The following ELAVL1 variants were observed in gnomAD, a reference collection of about 807,000 sequenced individuals.
The protein encoded by ELAVL1 is ELAV-like protein 1.
In ELAVL1, 1 loss-of-function variant was observed where a neutral mutation model predicts 28.4. That is an observed-to-expected ratio of 0.04 (90% CI 0.01 to 0.17). The LOEUF is 0.17. Ranked by LOEUF, ELAVL1 falls within the 10% of genes least tolerant of loss-of-function variation. ELAVL1 has a pLI of 1.00. For missense variants in ELAVL1, 157 were observed against 447.2 expected, an observed-to-expected ratio of 0.35 and a Z score of 5.85; for synonymous variants, 174 against 183.5, an observed-to-expected ratio of 0.95 and a Z score of 0.42.
intron 1 of ELAVL1, among the ~76,000 whole-genome samples, chr19:7,996,781 C>A (rs2145227480): frequency 1.3e-5 from 2 of 152,216 alleles, no homozygotes; most frequent in Admixed American, 1.3e-4. Flanking sequence ...CCACTGTACT[C>A]CAAACTGGGC....
At chr19:7,984,636 CT>C (rs1985552897) in intron 2 of ELAVL1, among the ~76,000 whole-genome samples, 1 of 152,184 alleles carries the variant, frequency 6.6e-6, no homozygotes, top group African/African-American at 2.4e-5. Context: ...GGGCAGGCCC[CT>C]GATCTCCCTA....
rs542660454 is a variant in ELAVL1 at position 7,999,302 on chromosome 19, G to A, written c.-17+6193C>T. 5.3e-5 allele frequency among the ~76,000 whole-genome samples: 8 copies of A among 152,310 alleles called. No individual in the cohort carries two copies. In the South Asian group the frequency reaches 1.7e-3, roughly 32 times the overall value. On this transcript the variant is annotated intron_variant, in intron 1 of 5. Transcript: ENST00000407627. Reference sequence around the variant, plus strand: ...ACAGCAGACTCACTTGAACGCGGGAGGCAGAGGTTGCAGTGAGTCAAAATC... The same window carrying A: ...ACAGCAGACTCACTTGAACGCGGGAAGCAGAGGTTGCAGTGAGTCAAAATC...
chr19:7,987,119 G>GA (rs1054557520), intron 2 of ELAVL1, among the ~76,000 whole-genome samples: 3 of 149,482 alleles, frequency 2.0e-5, no homozygotes, highest in African/African-American at 7.4e-5. Flanking sequence ...GGGGTGCCGG[G>GA]GGGGGGGGAG....
At chr19:8,003,372 A>G (rs1304068843) in intron 1 of ELAVL1, among the ~76,000 whole-genome samples, 2 of 129,382 alleles carry the variant, frequency 1.5e-5, no homozygotes, top group Non-Finnish European at 3.4e-5. Flanking sequence ...AAAAAAAAAA[A>G]AAGAAAAAGA....
intron 1 of ELAVL1, among the ~76,000 whole-genome samples, chr19:8,005,111 G>A (rs2081082507): frequency 6.6e-6 from 1 of 152,104 alleles, no homozygotes; most frequent in South Asian, 2.1e-4. Flanking sequence ...GCAAGCCCGT[G>A]GGCCGTGACC....
rs1198489366 is a variant in ELAVL1 at position 7,960,559 on chromosome 19, G to C, written c.*2924C>G. 6.6e-6 allele frequency: 1 copy of C among 152,558 alleles called. No homozygotes were observed. 9.5% of individuals were successfully genotyped at this position (152,558 alleles called of 1,614,324 possible). On this transcript the variant is annotated 3_prime_UTR_variant, in exon 6 of 6. Transcript: ENST00000407627. ...ATGGCAGAGCCAAGGGGGAACAAGG[G>C]AGAATTCATCAGGAAGCAGGTTCAC...
At chr19:7,967,257 A>G (rs1237085838) in intron 5 of ELAVL1, among the ~76,000 whole-genome samples, 1 of 151,436 alleles carries the variant, frequency 6.6e-6, no homozygotes, top group Non-Finnish European at 1.5e-5. Context: ...TTGGTCTTGA[A>G]CTCCTGGGCT....
Position 7,981,074 on chromosome 19 carries a change from TC to T in ELAVL1, c.276+8del. On this transcript the variant is annotated splice_region_variant and intron_variant, in intron 3 of 5. Transcript: ENST00000407627. The surrounding 1 kb of genome is among the most constrained non-coding windows in gnomAD (Gnocchi z 4.2). Reference sequence around the variant, plus strand: ...AGGAATGGATGCGGTGGTGATCAGATCCCTTTACCTTAATGGTTTTTGACTG... The same window carrying T: ...AGGAATGGATGCGGTGGTGATCAGATCCTTTACCTTAATGGTTTTTGACTG... 4 of 1,613,678 alleles carry T rather than the reference TC, an allele frequency of 2.5e-6. No individual in the cohort carries two copies. Among genetic ancestry groups the T allele is most frequent in the Middle Eastern group, 3.3e-4 (2 of 5,978 alleles).
At chr19:7,976,461 T>G (rs1340162819) in intron 3 of ELAVL1, among the ~76,000 whole-genome samples, 1 of 152,106 alleles carries the variant, frequency 6.6e-6, no homozygotes, top group East Asian at 1.9e-4. Context: ...GCGGGAAATG[T>G]GGATACAGGC....
chr19:7,991,899 A>G, intron 1 of ELAVL1, 68 bp from the exon 2 acceptor site: 1 of 1,257,816 alleles, frequency 8.0e-7, no homozygotes. Context: ...CAAAACTAGT[A>G]ACTGCATTTG....
chr19:7,968,452 C>T (rs959639705), intron 4 of ELAVL1, among the ~76,000 whole-genome samples: 21 of 152,260 alleles, frequency 1.4e-4, no homozygotes, highest in Admixed American at 6.5e-5. Flanking sequence ...CTCCCGTGGG[C>T]CCCAAATTGC....
At chr19:7,977,293 A>G (rs551849878) in intron 3 of ELAVL1, among the ~76,000 whole-genome samples, 147 of 152,334 alleles carry the variant, frequency 9.6e-4, no homozygotes, top group African/African-American at 3.2e-3. Context: ...CTGTAGCCAC[A>G]TACAGCACCC....
chr19:8,003,034 TGA>T (rs1012261475), intron 1 of ELAVL1, among the ~76,000 whole-genome samples: 2 of 151,838 alleles, frequency 1.3e-5, no homozygotes, highest in Admixed American at 6.6e-5. Flanking sequence ...AAGCGGAGAG[TGA>T]GAGAGGCAAG....
chr19:7,978,167 G>A (rs1420893681), intron 3 of ELAVL1, among the ~76,000 whole-genome samples: 1 of 152,256 alleles, frequency 6.6e-6, no homozygotes, highest in East Asian at 1.9e-4. Flanking sequence ...AGCCCGTATT[G>A]TCATAAAGGA....
At chr19:7,985,725 G>A (rs1204416500) in intron 2 of ELAVL1, among the ~76,000 whole-genome samples, 3 of 152,218 alleles carry the variant, frequency 2.0e-5, no homozygotes, top group Non-Finnish European at 2.9e-5. Flanking sequence ...GGGAGATACG[G>A]GGAAGCAGGA....
intron 5 of ELAVL1, among the ~76,000 whole-genome samples, chr19:7,965,263 GAAGA>G (rs1984925722): frequency 2.0e-5 from 3 of 152,112 alleles, no homozygotes; most frequent in Admixed American, 2.0e-4. Flanking sequence ...GAAAGACTAA[GAAGA>G]AAGGGTCTAT....
In ELAVL1 at chr19:7,963,782, T is replaced by A. The variant is rs1233395072; in HGVS notation, c.682A>T (p.Met228Leu). The change falls in exon 6 of 6, where the codon ATG becomes TTG. Residue 228 changes from methionine (M) to leucine (L), a missense_variant. Met to Leu is a conservative substitution (Grantham distance 15). This residue lies in a region of ELAVL1 where 107 missense variants were observed against 310.4 expected (regional missense o/e 0.34). Transcript: ENST00000407627. This position sits in a 1 kb window ranked among gnomAD's most constrained non-coding sequence, Gnocchi z 4.5. ...ACGTTGACGCCAGAGAGCCCGCTCA[T>A]GTGATCGACGCCCATGGGGGAGAAC... ...FRFSPMGVDH[M>L]SGLSGVNVPG... 1 of 1,613,918 alleles carries A rather than the reference T, an allele frequency of 6.2e-7. No homozygotes were observed. Among genetic ancestry groups the A allele is most frequent in the African/African-American group, 1.3e-5 (1 of 74,944 alleles).
At chr19:8,001,726 A>G (rs2081068703) in intron 1 of ELAVL1, among the ~76,000 whole-genome samples, 1 of 151,924 alleles carries the variant, frequency 6.6e-6, no homozygotes. Flanking sequence ...TGGCCTCCCA[A>G]GCTGTTGGGG....
chr19:7,964,992 C>T (rs940131827), intron 5 of ELAVL1, among the ~76,000 whole-genome samples: 4 of 152,242 alleles, frequency 2.6e-5, no homozygotes, highest in East Asian at 1.9e-4. Context: ...AGGCCCCAGC[C>T]GGGGTAAACG....
Sources: gnomAD v4.1 joint callset for allele counts (sites outside exome capture counted in the v4.1 genomes callset) on GRCh38, gnomAD v4.1.1 for gene constraint, gnomAD v4.1.1 regional missense constraint, Gnocchi (gnomAD v3.1) non-coding constraint, MANE v1.5 for transcripts, NCBI Gene and HGNC (gene_info 2026-07-23, HGNC 2026-07-21) for gene names.